Variants in SPATA13 observed in about 807,000 individuals in gnomAD.
The protein encoded by SPATA13 is spermatogenesis-associated protein 13.
In SPATA13, 50 loss-of-function variants were observed where a neutral mutation model predicts 104.0. The ratio of observed to expected loss-of-function variants is 0.48; its 90% CI spans 0.38 to 0.61. SPATA13 has a LOEUF of 0.61. SPATA13 is among the 20% of genes least tolerant of loss of function. SPATA13 has a pLI of 0.00. For synonymous variants in SPATA13, 606 were observed against 667.5 expected (o/e 0.91, Z 1.42); for missense variants, 1,524 against 1,690.6 (o/e 0.90, Z 1.73).
At chr13:24,024,334 G>GATGGATGGATGA (rs1463918566) in intron 3 of SPATA13, among the ~76,000 whole-genome samples, 16 of 143,874 alleles carry the variant, frequency 1.1e-4, no homozygotes, top group Admixed American at 1.1e-3. Flanking sequence ...CTATTTATTG[G>GATGGATGGATGA]ATGGATGGAT....
chr13:24,136,238 G>A (rs991284246), intron 3 of SPATA13, among the ~76,000 whole-genome samples: 7 of 152,170 alleles, frequency 4.6e-5, no homozygotes, highest in African/African-American at 1.7e-4. Flanking sequence ...TTGGGAGGCC[G>A]AGGTGAGGTG....
chr13:24,206,890 CAAAAA>C (rs58744273), intron 1 of SPATA13, among the ~76,000 whole-genome samples: 2 of 141,128 alleles, frequency 1.4e-5, no homozygotes, highest in Non-Finnish European at 1.5e-5. Flanking sequence ...AACTCTGTCT[CAAAAA>C]AAAAAAAAAA....
Position 24,304,785 on chromosome 13 carries a change from G to A in SPATA13, c.*2012G>A, listed in dbSNP as rs1015176607. ...TGTGGACCATCATGCCGCTCGGCACGTCCTGAGACAGAAGTTGCTGCAGGA... is the reference window on the plus strand; with the variant it reads ...TGTGGACCATCATGCCGCTCGGCACATCCTGAGACAGAAGTTGCTGCAGGA... On this transcript the variant is annotated 3_prime_UTR_variant, in exon 13 of 13. Coordinates refer to ENST00000382108, the MANE Select transcript of SPATA13 (RefSeq NM_001166271.3). The A allele has an allele frequency of 2.0e-5, 3 of 152,256 alleles. No individual in the cohort carries two copies. The highest frequency in any genetic ancestry group is 1.5e-5 in the Non-Finnish European group (1 of 68,068). The allele number at this position is 152,256 out of a possible 1,614,324, so 9.4% of individuals were successfully genotyped here.
chr13:24,279,214 A>G (rs1875297826), intron 4 of SPATA13, among the ~76,000 whole-genome samples: 1 of 152,006 alleles, frequency 6.6e-6, no homozygotes, highest in South Asian at 2.1e-4. Flanking sequence ...TGAGAGAGGG[A>G]GCCAGTGTGT....
At chr13:24,262,309 C>CTT (rs71186821) in intron 4 of SPATA13, among the ~76,000 whole-genome samples, 6,324 of 138,306 alleles carry the variant, frequency 0.046, 188 homozygotes, top group Middle Eastern at 0.095. Context: ...AGTTTTTTTT[C>CTT]TTTTTTTTTT....
intron 2 of SPATA13, among the ~76,000 whole-genome samples, chr13:24,249,031 C>T (rs1040470406): frequency 3.3e-5 from 5 of 152,052 alleles, no homozygotes; most frequent in Admixed American, 6.6e-5. Flanking sequence ...CACCGCGCCC[C>T]GCTAATTTTT....
chr13:24,271,893 T>G (rs1028490017), intron 4 of SPATA13, among the ~76,000 whole-genome samples: 6 of 152,200 alleles, frequency 3.9e-5, no homozygotes, highest in African/African-American at 1.4e-4. Flanking sequence ...AGGGATGTGG[T>G]TACGGCTTCT....
chr13:24,277,688 T>C (rs940980792), intron 4 of SPATA13, among the ~76,000 whole-genome samples: 2 of 152,132 alleles, frequency 1.3e-5, no homozygotes, highest in Non-Finnish European at 2.9e-5. Context: ...TGCAGTTCAA[T>C]TGGAAATCAC....
chr13:24,144,527 G>A (rs1439094472), intron 3 of SPATA13, among the ~76,000 whole-genome samples: 2 of 152,138 alleles, frequency 1.3e-5, no homozygotes, highest in Non-Finnish European at 2.9e-5. Flanking sequence ...TTGTCGCACA[G>A]CGTACACAAT....
At chr13:24,001,185 A>C (rs1056044138) in intron 2 of SPATA13, among the ~76,000 whole-genome samples, 1 of 152,124 alleles carries the variant, frequency 6.6e-6, no homozygotes, top group African/African-American at 2.4e-5. Flanking sequence ...ATTACATTTT[A>C]AGGTTACAGT....
Position 24,216,848 on chromosome 13 carries a change from T to C in SPATA13, c.-111-5971T>C, listed in dbSNP as rs184794108. Among the ~76,000 whole-genome samples the C allele has an allele frequency of 1.1e-3, 167 of 152,262 alleles. 1 individual carries two copies. The highest frequency in any genetic ancestry group is 1.3e-4 in the Non-Finnish European group (9 of 68,002). On this transcript the variant is annotated intron_variant, in intron 1 of 12. Coordinates refer to ENST00000382108, the MANE Select transcript of SPATA13 (RefSeq NM_001166271.3). ...GGAGGACGATTTGAGGTCAGGAGTTTGAGACCAACCTGGCCAACATAGTGA... is the reference window on the plus strand; with the variant it reads ...GGAGGACGATTTGAGGTCAGGAGTTCGAGACCAACCTGGCCAACATAGTGA...
At chr13:24,144,896 C>T (rs1486720418) in intron 3 of SPATA13, among the ~76,000 whole-genome samples, 3 of 152,206 alleles carry the variant, frequency 2.0e-5, no homozygotes, top group Non-Finnish European at 2.9e-5. Context: ...GCCTAAGATG[C>T]TGCCCACTTT....
chr13:24,186,251 A>G (rs780003013), intron 1 of SPATA13, among the ~76,000 whole-genome samples: 5 of 152,320 alleles, frequency 3.3e-5, no homozygotes, highest in East Asian at 1.9e-4. Context: ...ACCTGCTTAC[A>G]TGATGTAGGG....
intron 3 of SPATA13, among the ~76,000 whole-genome samples, chr13:24,127,701 G>A (rs960034307): frequency 4.6e-5 from 7 of 152,130 alleles, no homozygotes; most frequent in African/African-American, 1.7e-4. Flanking sequence ...GATAATATGC[G>A]CCCATCAATG....
At chr13:24,163,442 C>A (rs1270138147) in intron 1 of SPATA13, among the ~76,000 whole-genome samples, 1 of 152,134 alleles carries the variant, frequency 6.6e-6, no homozygotes, top group East Asian at 1.9e-4. Flanking sequence ...AGACTACTGC[C>A]AGCTGTCTCC....
chr13:24,177,705 G>A (rs953611571), intron 1 of SPATA13, among the ~76,000 whole-genome samples: 4 of 152,024 alleles, frequency 2.6e-5, no homozygotes, highest in African/African-American at 7.2e-5. Context: ...TTCCACCTTG[G>A]CCTCCCAAAG....
intron 2 of SPATA13, among the ~76,000 whole-genome samples, chr13:24,237,776 G>C (rs951937968): frequency 6.6e-6 from 1 of 151,616 alleles, no homozygotes; most frequent in African/African-American, 2.4e-5. Context: ...ACCAGCCTGG[G>C]CAACATAACC....
chr13:24,100,511 G>A (rs1244654144), intron 3 of SPATA13, among the ~76,000 whole-genome samples: 2 of 152,144 alleles, frequency 1.3e-5, no homozygotes, highest in South Asian at 4.1e-4. Flanking sequence ...AGTAGCACAT[G>A]TGGCCTTTTT....
intron 3 of SPATA13, among the ~76,000 whole-genome samples, chr13:24,143,723 G>T (rs1445767065): frequency 6.6e-6 from 1 of 152,118 alleles, no homozygotes; most frequent in African/African-American, 2.4e-5. Flanking sequence ...ATCTAACAGT[G>T]GGGGCTGAGC....
Sources: allele counts gnomAD v4.1 joint callset (sites outside exome capture counted in the v4.1 genomes callset), GRCh38; gene constraint gnomAD v4.1.1; transcripts MANE v1.5; gene names NCBI Gene and HGNC (gene_info 2026-07-23, HGNC 2026-07-21).